AGBL4: variants seen among roughly 807,000 people sequenced by gnomAD.
The protein encoded by AGBL4 is cytosolic carboxypeptidase 6.
In AGBL4, 58 loss-of-function variants were observed where a neutral mutation model predicts 66.4. The observed-to-expected ratio is 0.87, with a 90% CI of 0.71 to 1.09. The LOEUF (loss-of-function observed/expected upper bound fraction) is 1.09, where lower values mean the gene tolerates loss of function less well. Among genes scored for constraint, AGBL4 ranks in the 50% least tolerant of loss-of-function variants. AGBL4 has a pLI of 0.00. For missense variants in AGBL4, 579 were observed against 631.0 expected (o/e 0.92, Z 0.88); for synonymous variants, 234 against 222.9 (o/e 1.05, Z -0.44).
At chr1:49,441,522 G>A (rs758390272) in intron 3 of AGBL4, among the ~76,000 whole-genome samples, 1 of 152,178 alleles carries the variant, frequency 6.6e-6, no homozygotes, top group Non-Finnish European at 1.5e-5. Flanking sequence ...GTGATGGTGA[G>A]GTGGATTAGT....
At chr1:49,600,954 G>C (rs1358624426) in intron 3 of AGBL4, among the ~76,000 whole-genome samples, 4 of 152,090 alleles carry the variant, frequency 2.6e-5, no homozygotes, top group Admixed American at 6.6e-5. Context: ...TGTTGAATTT[G>C]GGCCCCCACT....
At chr1:49,046,659 T>C (rs1463359801) in intron 4 of AGBL4, among the ~76,000 whole-genome samples, 1 of 152,200 alleles carries the variant, frequency 6.6e-6, no homozygotes, top group African/African-American at 2.4e-5. Flanking sequence ...GTCTCTCATT[T>C]CTATCATTTC....
chr1:49,243,710 A>C (rs957420597), intron 4 of AGBL4, among the ~76,000 whole-genome samples: 1 of 151,848 alleles, frequency 6.6e-6, no homozygotes, highest in Non-Finnish European at 1.5e-5. Flanking sequence ...GTAAAAAAAA[A>C]AATCTAAACA....
At chr1:48,555,076 G>A (rs756981855) in intron 11 of AGBL4, among the ~76,000 whole-genome samples, 5 of 152,106 alleles carry the variant, frequency 3.3e-5, no homozygotes, top group Admixed American at 2.0e-4. Context: ...ATGACACTAT[G>A]GCAGGGGAAA....
intron 3 of AGBL4, among the ~76,000 whole-genome samples, chr1:49,329,118 C>T (rs1394307182): frequency 2.0e-5 from 3 of 151,936 alleles, no homozygotes; most frequent in Non-Finnish European, 4.4e-5. Context: ...ACCAGCCTGG[C>T]CAACATGGTG....
chr1:49,556,622 G>A (rs867842477), intron 3 of AGBL4, among the ~76,000 whole-genome samples: 9 of 152,044 alleles, frequency 5.9e-5, no homozygotes, highest in South Asian at 2.1e-4. Context: ...GTCACCACCC[G>A]ACTCAGGAGC....
At chr1:49,518,756 G>C (rs890609790) in intron 3 of AGBL4, among the ~76,000 whole-genome samples, 1 of 152,000 alleles carries the variant, frequency 6.6e-6, no homozygotes, top group Admixed American at 6.6e-5. Flanking sequence ...TTAAAAGATG[G>C]TTCTGATTTA....
At chr1:48,626,808 T>C (rs954785779) in intron 9 of AGBL4, among the ~76,000 whole-genome samples, 2 of 152,108 alleles carry the variant, frequency 1.3e-5, no homozygotes, top group African/African-American at 4.8e-5. Context: ...GGAACAAAGG[T>C]TTGGGGACCC....
intron 3 of AGBL4, among the ~76,000 whole-genome samples, chr1:49,396,147 C>T (rs1435907948): frequency 6.6e-6 from 1 of 151,798 alleles, no homozygotes; most frequent in African/African-American, 2.4e-5. Context: ...CTTGCAGAGA[C>T]TTAACTCCCA....
intron 1 of AGBL4, among the ~76,000 whole-genome samples, chr1:49,877,729 G>T (rs1461441476): frequency 6.6e-6 from 1 of 151,466 alleles, no homozygotes. Flanking sequence ...GTTTCAGAAG[G>T]AATGGTACCA....
intron 5 of AGBL4, among the ~76,000 whole-genome samples, chr1:49,027,063 G>A (rs955469584): frequency 1.3e-5 from 2 of 152,146 alleles, no homozygotes; most frequent in African/African-American, 2.4e-5. Flanking sequence ...AATAGGCTGT[G>A]TATAAAGAGG....
chr1:49,895,196 TAAAAAAAA>T (rs758153230), intron 1 of AGBL4, among the ~76,000 whole-genome samples: 2 of 131,392 alleles, frequency 1.5e-5, no homozygotes, highest in Admixed American at 7.7e-5. Flanking sequence ...TTTCCCAGTT[TAAAAAAAA>T]AAAAAAAAAC....
At chr1:48,811,026 T>C (rs575423037) in intron 6 of AGBL4, among the ~76,000 whole-genome samples, 15 of 152,106 alleles carry the variant, frequency 9.9e-5, no homozygotes, top group African/African-American at 3.6e-4. Flanking sequence ...CCTCCCTTTT[T>C]CCCCCATCCC....
chr1:49,083,938 C>A (rs1644852125), intron 4 of AGBL4, among the ~76,000 whole-genome samples: 1 of 152,178 alleles, frequency 6.6e-6, no homozygotes, highest in African/African-American at 2.4e-5. Context: ...TTCAAAGTTC[C>A]AAAGATCTCT....
intron 6 of AGBL4, among the ~76,000 whole-genome samples, chr1:48,748,842 CCTCT>C (rs1025799613): frequency 4.0e-5 from 6 of 151,894 alleles, no homozygotes; most frequent in African/African-American, 1.5e-4. Flanking sequence ...TTCTTCAGGT[CCTCT>C]CTCTCTCCAT....
At chr1:48,541,638 G>T (rs969449592) in intron 11 of AGBL4, among the ~76,000 whole-genome samples, 1 of 152,100 alleles carries the variant, frequency 6.6e-6, no homozygotes, top group African/African-American at 2.4e-5. Context: ...GCGTTGGGGC[G>T]CATGCCTGTA....
At chr1:49,578,755 C>G (rs1053763484) in intron 3 of AGBL4, among the ~76,000 whole-genome samples, 3 of 152,048 alleles carry the variant, frequency 2.0e-5, no homozygotes, top group African/African-American at 7.2e-5. Context: ...TAATTATGAC[C>G]TTTTTGCTGT....
the AGBL4 span, among the ~76,000 whole-genome samples, chr1:48,527,045 T>A: frequency 6.6e-6 from 1 of 152,118 alleles, no homozygotes; most frequent in Non-Finnish European, 1.5e-5. Context: ...ATCTGAGCTG[T>A]GGAATGTCTC....
intron 6 of AGBL4, among the ~76,000 whole-genome samples, chr1:48,734,356 C>T (rs558408662): frequency 1.3e-5 from 2 of 152,290 alleles, no homozygotes; most frequent in African/African-American, 4.8e-5. Context: ...ATACACCCTA[C>T]ACTTGGGCAT....
Sources: allele counts gnomAD v4.1 joint callset (sites outside exome capture counted in the v4.1 genomes callset), GRCh38; gene constraint gnomAD v4.1.1; transcripts MANE v1.5; gene names NCBI Gene and HGNC (gene_info 2026-07-23, HGNC 2026-07-21).